Variants in KCNQ1 observed in about 807,000 individuals in gnomAD.
KCNQ1 encodes potassium voltage-gated channel subfamily Q member 1, also known as potassium voltage-gated channel subfamily KQT member 1.
A neutral mutation model predicts 72.4 loss-of-function variants in KCNQ1; 49 were observed. That is an observed-to-expected ratio of 0.68 (90% confidence interval 0.54 to 0.86). The LOEUF (loss-of-function observed/expected upper bound fraction) is 0.86, where lower values mean the gene tolerates loss of function less well. KCNQ1 is among the 40% of genes least tolerant of loss of function. The probability of loss-of-function intolerance (pLI) is 0.00; values close to 1 mark genes in which losing one functional copy is unlikely to be tolerated. For synonymous variants in KCNQ1, 450 were observed against 412.6 expected, an observed-to-expected ratio of 1.09 and a Z score of -1.10; for missense variants, 790 against 945.1, an observed-to-expected ratio of 0.84 and a Z score of 2.15.
rs1334925546 is a variant in KCNQ1, at chr11:2,828,078, A to T, written c.1795-19689A>T. ...GGGCAGGACAAAGGCTGGCAGCACCACACAGGAGCCAGCAGGGAAGGGGCC... is the reference window on the plus strand; with the variant it reads ...GGGCAGGACAAAGGCTGGCAGCACCTCACAGGAGCCAGCAGGGAAGGGGCC... On this transcript the variant is annotated intron_variant, in intron 15 of 15. Coordinates refer to ENST00000155840, the MANE Select transcript of KCNQ1 (RefSeq NM_000218.3). This position sits in a 1 kb window ranked among gnomAD's most constrained non-coding sequence, Gnocchi z 5.3. 2.6e-5 allele frequency among the ~76,000 whole-genome samples: 4 copies of T among 152,214 alleles called. No individual in the cohort carries two copies. The highest frequency in any genetic ancestry group is 4.8e-5 in the African/African-American group (2 of 41,464).
In KCNQ1 at chr11:2,583,694, C is replaced by T. The variant is rs1848540608; in HGVS notation, c.1032+149C>T. 4.3e-6 allele frequency: 3 copies of T among 702,778 alleles called. No individual in the cohort carries two copies. In the Admixed American group the frequency reaches 6.0e-5, roughly 14 times the overall value. 43.5% of individuals were successfully genotyped at this position (702,778 alleles called of 1,614,324 possible). A position where few individuals can be genotyped will look rare whatever the true frequency, so the allele number is the denominator to read the frequency against. On this transcript the variant is annotated intron_variant, in intron 7 of 15. Coordinates refer to ENST00000155840, the MANE Select transcript of KCNQ1 (RefSeq NM_000218.3). ...GAAGGTGCTATACTCCAGAGCCCCACCTGCCCTCCCTGGGGCCCTGGATGC... is the reference window on the plus strand; with the variant it reads ...GAAGGTGCTATACTCCAGAGCCCCATCTGCCCTCCCTGGGGCCCTGGATGC...
rs1198430234 is a variant in KCNQ1, at chr11:2,612,456, A to C, written c.1393+23602A>C. Reference sequence around the variant, plus strand: ...TTCATTATTTTTCTTTCTATTCTTCAGTCTGAATCATCTTTATGGATCTGC... The same window carrying C: ...TTCATTATTTTTCTTTCTATTCTTCCGTCTGAATCATCTTTATGGATCTGC... On this transcript the variant is annotated intron_variant, in intron 10 of 15. Transcript: ENST00000155840. The surrounding 1 kb of genome is among the most constrained non-coding windows in gnomAD (Gnocchi z 5.5). The C allele has an allele frequency of 1.8e-5, 7 of 398,432 alleles. No homozygotes were observed. The highest frequency in any genetic ancestry group is 3.1e-5 in the Non-Finnish European group (7 of 226,046). The allele number at this position is 398,432 out of a possible 1,614,324, so 24.7% of individuals were successfully genotyped here. A position where few individuals can be genotyped will look rare whatever the true frequency, so the allele number is the denominator to read the frequency against.
intron 15 of KCNQ1, among the ~76,000 whole-genome samples, chr11:2,801,582 C>A (rs544810335): frequency 1.3e-5 from 2 of 152,316 alleles, no homozygotes; most frequent in South Asian, 4.2e-4. Flanking sequence ...GGGACCAAGG[C>A]CCTGCCTTCA....
chr11:2,732,068 T>G (rs1845866856), intron 11 of KCNQ1, among the ~76,000 whole-genome samples: 1 of 152,182 alleles, frequency 6.6e-6, no homozygotes, highest in African/African-American at 2.4e-5. Context: ...AGTTCCTGAT[T>G]TTTGCCCTTT....
chr11:2,757,898 T>C (rs1426127290), intron 11 of KCNQ1, among the ~76,000 whole-genome samples: 2 of 152,232 alleles, frequency 1.3e-5, no homozygotes, highest in African/African-American at 2.4e-5. Flanking sequence ...TCTCACACTT[T>C]ATATAAAAAT....
intron 11 of KCNQ1, chr11:2,688,796 C>G (rs754643894): frequency 2.5e-6 from 1 of 398,672 alleles, no homozygotes; most frequent in Non-Finnish European, 4.4e-6. Context: ...TGCCCTCCCC[C>G]ACACACAGCC....
rs758805986 is a variant in KCNQ1 at position 2,847,840 on chromosome 11, G to A, written c.1868G>A (p.Ser623Asn). The change falls in exon 16 of 16, where the codon AGC (serine) becomes AAC (asparagine). Residue 623 changes from serine to asparagine, a missense_variant. Transcript: ENST00000155840. ...LHQLLSLHGG[S>N]TPGSGGPPRE... ...CAGCTGCTCTCCTTGCACGGTGGCA[G>A]CACCCCCGGCAGCGGCGGCCCCCCC... is the stretch of plus-strand genomic sequence containing the variant. The A allele has an allele frequency of 1.9e-6, 3 of 1,568,916 alleles. No homozygotes were observed. Among genetic ancestry groups the A allele is most frequent in the South Asian group, 1.2e-5 (1 of 85,464 alleles).
rs1328427001 is a variant in KCNQ1 at position 2,627,117 on chromosome 11, T to C, written c.1394-34844T>C. The stretch of plus-strand genomic sequence containing the variant: ...TTTCAGCATTGTTTTGTAATTTTCA[T>C]TGTACAAGACTTTCACCTCCTTGGT... On this transcript the variant is annotated intron_variant, in intron 10 of 15. Transcript: ENST00000155840. This position sits in a 1 kb window ranked among gnomAD's most constrained non-coding sequence, Gnocchi z 4.9. The C allele has an allele frequency of 5.0e-6, 2 of 398,586 alleles. No homozygotes were observed. Among genetic ancestry groups the C allele is most frequent in the Non-Finnish European group, 8.8e-6 (2 of 226,048 alleles). 24.7% of individuals were successfully genotyped at this position (398,586 alleles called of 1,614,324 possible).
In KCNQ1 at chr11:2,482,654, C is replaced by T. The variant is rs1033365; in HGVS notation, c.386+37170C>T. On this transcript the variant is annotated intron_variant, in intron 1 of 15. Coordinates refer to ENST00000155840, the MANE Select transcript of KCNQ1 (RefSeq NM_000218.3). The surrounding 1 kb of genome is among the most constrained non-coding windows in gnomAD (Gnocchi z 5.7). ...ATCACTGACTCCCCCCGCCAACCCC[C>T]ACCCCACACTGCACCACAAAGCTGG... 6.3e-3 allele frequency among the ~76,000 whole-genome samples: 956 copies of T among 152,252 alleles called. 10 individuals carry two copies. The highest frequency in any genetic ancestry group is 0.022 in the African/African-American group (913 of 41,530).
intron 7 of KCNQ1, among the ~76,000 whole-genome samples, chr11:2,584,683 G>A (rs1368317217): frequency 6.6e-6 from 1 of 151,846 alleles, no homozygotes; most frequent in African/African-American, 2.4e-5. Flanking sequence ...GTGTTTGTGT[G>A]TGTGTCAGTG....
Position 2,827,556 on chromosome 11 carries a change from G to T in KCNQ1, c.1795-20211G>T, listed in dbSNP as rs1053220615. ...GACGCACGCCTGAGTCGCTGCAAGG[G>T]CCCCTGGGGACGGAGTCTCTATTCC... On this transcript the variant is annotated intron_variant, in intron 15 of 15. Transcript: ENST00000155840. The surrounding 1 kb of genome is among the most constrained non-coding windows in gnomAD (Gnocchi z 6.7). 6.8e-6 allele frequency among the ~76,000 whole-genome samples: 1 copy of T among 146,550 alleles called. No individual in the cohort carries two copies. Among genetic ancestry groups the T allele is most frequent in the African/African-American group, 2.5e-5 (1 of 39,658 alleles).
chr11:2,492,307 C>CA lies in KCNQ1; in HGVS notation c.387-35614dup, dbSNP rs1227488659. Among the ~76,000 whole-genome samples the CA allele has an allele frequency of 6.6e-6, 1 of 152,106 alleles. No individual in the cohort carries two copies. Among genetic ancestry groups the CA allele is most frequent in the African/African-American group, 2.4e-5 (1 of 41,496 alleles). ...TAGGCAGTACAATAAGATATAGAGA[C>CA]AAAAAAACTTAAAAAGCGGAGAGAC... On this transcript the variant is annotated intron_variant, in intron 1 of 15. Transcript: ENST00000155840. This position sits in a 1 kb window ranked among gnomAD's most constrained non-coding sequence, Gnocchi z 4.1.
At chr11:2,476,663 G>C (rs537539231) in intron 1 of KCNQ1, among the ~76,000 whole-genome samples, 3 of 152,122 alleles carry the variant, frequency 2.0e-5, no homozygotes, top group African/African-American at 7.2e-5. Flanking sequence ...ACATGAGAAG[G>C]CTCTTTGGCA....
At chr11:2,709,023 A>T (rs1425322237) in intron 11 of KCNQ1, among the ~76,000 whole-genome samples, 1 of 152,044 alleles carries the variant, frequency 6.6e-6, no homozygotes, top group East Asian at 1.9e-4. Flanking sequence ...GAGGGGCCTT[A>T]TAAACTCCGT....
intron 15 of KCNQ1, among the ~76,000 whole-genome samples, chr11:2,807,894 A>C (rs1847411996): frequency 6.6e-6 from 1 of 152,206 alleles, no homozygotes. Context: ...CCCTGGCTGC[A>C]GCATGAGGGA....
At chr11:2,788,534 C>A (rs550135596) in intron 15 of KCNQ1, among the ~76,000 whole-genome samples, 2 of 152,084 alleles carry the variant, frequency 1.3e-5, no homozygotes, top group South Asian at 2.1e-4. Context: ...GCAGCTCCCC[C>A]TCCCCTCTGC....
At chr11:2,625,031 GC>G in intron 10 of KCNQ1, 1 of 398,530 alleles carries the variant, frequency 2.5e-6, no homozygotes, top group Non-Finnish European at 4.4e-6. Flanking sequence ...TGTAAATAAT[GC>G]CACTACAATC....
At chr11:2,521,206 A>G (rs897003339) in intron 1 of KCNQ1, among the ~76,000 whole-genome samples, 2 of 152,038 alleles carry the variant, frequency 1.3e-5, no homozygotes, top group East Asian at 3.9e-4. Flanking sequence ...TTCTGCACCC[A>G]TGAAATCCCA....
In KCNQ1 at chr11:2,817,342, G is replaced by A. The variant is rs569875860; in HGVS notation, c.1795-30425G>A. On this transcript the variant is annotated intron_variant, in intron 15 of 15. Coordinates refer to ENST00000155840, the MANE Select transcript of KCNQ1 (RefSeq NM_000218.3). This position sits in a 1 kb window ranked among gnomAD's most constrained non-coding sequence, Gnocchi z 6.1. ...CCGTGGCTTCAGCCAGTTTCTGAGCGCTACCTTGAACCCCTGTTGCACCCC... is the reference window on the plus strand; with the variant it reads ...CCGTGGCTTCAGCCAGTTTCTGAGCACTACCTTGAACCCCTGTTGCACCCC... Among the ~76,000 whole-genome samples the A allele has an allele frequency of 1.5e-4, 23 of 152,198 alleles. No individual in the cohort carries two copies. Among genetic ancestry groups the A allele is most frequent in the East Asian group, 9.7e-4 (5 of 5,162 alleles).
Sources: gnomAD v4.1 joint callset for allele counts (sites outside exome capture counted in the v4.1 genomes callset) on GRCh38, gnomAD v4.1.1 for gene constraint, Gnocchi (gnomAD v3.1) non-coding constraint, MANE v1.5 for transcripts, NCBI Gene and HGNC (gene_info 2026-07-23, HGNC 2026-07-21) for gene names.